PLCG2: variants seen among roughly 807,000 people sequenced by gnomAD.
PLCG2 encodes the protein 1-phosphatidylinositol 4,5-bisphosphate phosphodiesterase gamma-2.
A neutral mutation model predicts 175.6 loss-of-function variants in PLCG2; 69 were observed. The ratio of observed to expected loss-of-function variants is 0.39; its 90% CI spans 0.32 to 0.48. PLCG2 has a LOEUF of 0.48. Ranked by LOEUF, PLCG2 falls within the 20% of genes least tolerant of loss-of-function variation. The pLI, the probability that PLCG2 is intolerant of heterozygous loss-of-function variation, is 0.91. For missense variants in PLCG2, 1,798 were observed against 1,650.9 expected (o/e 1.09, Z -1.54); for synonymous variants, 827 against 624.0 (o/e 1.33, Z -4.85).
At chr16:81,752,590 C>T (rs1364371778) in intron 1 of PLCG2, among the ~76,000 whole-genome samples, 1 of 152,200 alleles carries the variant, frequency 6.6e-6, no homozygotes, top group Non-Finnish European at 1.5e-5. Context: ...TCTGTGAGCC[C>T]CCAAAGGAGG....
intron 5 of PLCG2, among the ~76,000 whole-genome samples, chr16:81,862,381 T>G (rs1375536214): frequency 6.6e-6 from 1 of 152,212 alleles, no homozygotes; most frequent in Non-Finnish European, 1.5e-5. Flanking sequence ...ATAAGCACTT[T>G]ACATCCTTAG....
chr16:81,824,416 G>C (rs1463120946), intron 2 of PLCG2, among the ~76,000 whole-genome samples: 1 of 152,194 alleles, frequency 6.6e-6, no homozygotes, highest in East Asian at 1.9e-4. Flanking sequence ...TTACAAGCGT[G>C]AGCCACTGCA....
chr16:81,858,267 C>G lies in PLCG2; in HGVS notation c.342C>G (p.Asp114Glu). 6.2e-7 allele frequency: 1 copy of G among 1,610,576 alleles called. No homozygotes were observed. Among genetic ancestry groups the G allele is most frequent in the Non-Finnish European group, 8.5e-7 (1 of 1,176,718 alleles). ...TGTTCCCTTTCTCCACTCCAGCTGACTCTAAAGAGGATGCAGTTAACTGGC... is the reference window on the plus strand; with the variant it reads ...TGTTCCCTTTCTCCACTCCAGCTGAGTCTAAAGAGGATGCAGTTAACTGGC... The part of the protein sequence containing the change: ...FVLSTLSLAA[D>E]SKEDAVNWLS... Residue 114 changes from aspartate (D) to glutamate (E), a missense_variant, in exon 4 of 33, where the codon GAC becomes GAG. Physicochemically the swap from Asp to Glu is conservative, Grantham distance 45 (BLOSUM62 2). Coordinates refer to ENST00000564138, the MANE Select transcript of PLCG2 (RefSeq NM_002661.5).
intron 2 of PLCG2, among the ~76,000 whole-genome samples, chr16:81,828,039 G>A (rs949977430): frequency 7.1e-6 from 1 of 140,590 alleles, no homozygotes; most frequent in Non-Finnish European, 1.5e-5. Flanking sequence ...GCACTGAGCC[G>A]AGATCATGCC....
chr16:81,845,906 G>T (rs1480250259), intron 2 of PLCG2, among the ~76,000 whole-genome samples: 1 of 152,186 alleles, frequency 6.6e-6, no homozygotes, highest in African/African-American at 2.4e-5. Context: ...TTCAAATGCT[G>T]GCTCTTGCAC....
At position 81,956,897 on chromosome 16, in the gene PLCG2, C is replaced by T; in HGVS notation, c.3755+18C>T. 1 of 1,606,572 alleles carries T rather than the reference C, an allele frequency of 6.2e-7. No individual in the cohort carries two copies. Among genetic ancestry groups the T allele is most frequent in the Non-Finnish European group, 8.5e-7 (1 of 1,174,582 alleles). ...AACAAGAGGTAGGTCAGCCCCTCCA[C>T]CTGCAAAAACTTTTGGGGGGTCTCT... On this transcript the variant is annotated intron_variant, in intron 32 of 32. Coordinates refer to ENST00000564138, the MANE Select transcript of PLCG2 (RefSeq NM_002661.5).
chr16:81,883,265 A>T lies in PLCG2; in HGVS notation c.693-4A>T, dbSNP rs960740066. ...CTAACTGCACCCCCTTTCCCCGAGG[A>T]TAGGAACACTGACAGGCCGGATGCC... On this transcript the variant is annotated splice_region_variant and splice_polypyrimidine_tract_variant and intron_variant, in intron 8 of 32. Transcript: ENST00000564138. The T allele has an allele frequency of 6.2e-7, 1 of 1,613,820 alleles. No homozygotes were observed. The highest frequency in any genetic ancestry group is 8.5e-7 in the Non-Finnish European group (1 of 1,179,856).
intron 1 of PLCG2, among the ~76,000 whole-genome samples, chr16:81,785,015 C>G (rs997428816): frequency 3.9e-5 from 6 of 152,160 alleles, no homozygotes; most frequent in African/African-American, 1.4e-4. Flanking sequence ...ATCCTTCTGG[C>G]TCTGCATCTG....
intron 2 of PLCG2, among the ~76,000 whole-genome samples, chr16:81,809,997 T>C (rs545838544): frequency 6.6e-6 from 1 of 152,054 alleles, no homozygotes; most frequent in African/African-American, 2.4e-5. Context: ...TCTCCTTTTT[T>C]TTTTCTTTTT....
intron 5 of PLCG2, among the ~76,000 whole-genome samples, chr16:81,861,063 C>CA (rs1290955782): frequency 6.6e-6 from 1 of 152,046 alleles, no homozygotes; most frequent in Non-Finnish European, 1.5e-5. Context: ...AAACCAAAAC[C>CA]AAAACCAAAC....
intron 1 of PLCG2, among the ~76,000 whole-genome samples, chr16:81,743,294 T>A (rs113707877): frequency 0.018 from 2,699 of 152,300 alleles, 73 homozygotes; most frequent in African/African-American, 0.062. Flanking sequence ...GAGGCTGCAG[T>A]GAGCCACAGT....
Position 81,883,300 on chromosome 16 carries a change from T to C in PLCG2, c.724T>C (p.Tyr242His), listed in dbSNP as rs761978474. Residue 242 changes from tyrosine to histidine, a missense_variant, in exon 9 of 33, where the codon TAC becomes CAC. Tyr to His is a moderately conservative substitution (Grantham distance 83). Coordinates refer to ENST00000564138, the MANE Select transcript of PLCG2 (RefSeq NM_002661.5). ...TGACAGGCCGGATGCCTCTGCTGTT[T>C]ACCTGCATGACTTCCAGAGGTTTCT... ...NTDRPDASAV[Y>H]LHDFQRFLIH... 6 of 1,614,178 alleles carry C rather than the reference T, an allele frequency of 3.7e-6. No individual in the cohort carries two copies. Among genetic ancestry groups the C allele is most frequent in the Non-Finnish European group, 5.1e-6 (6 of 1,180,012 alleles).
chr16:81,883,629 G>C (rs1180907818), intron 9 of PLCG2: 2 of 469,668 alleles, frequency 4.3e-6, no homozygotes, highest in Non-Finnish European at 7.8e-6. Context: ...GGCAGGAGGG[G>C]TGAGGGCCTG....
chr16:81,889,382 T>A (rs1908525427), intron 10 of PLCG2, 109 bp downstream of exon 10: 3 of 679,952 alleles, frequency 4.4e-6, no homozygotes. Flanking sequence ...TGCTGTATGA[T>A]GTTGCCTCGA....
At chr16:81,849,570 C>T (rs1906295134) in intron 2 of PLCG2, among the ~76,000 whole-genome samples, 1 of 151,868 alleles carries the variant, frequency 6.6e-6, no homozygotes, top group Non-Finnish European at 1.5e-5. Context: ...ACAAGCCTGA[C>T]CTATATGGTG....
chr16:81,883,516 C>G (rs1441715237), intron 9 of PLCG2, 175 bp downstream of exon 9: 2 of 612,102 alleles, frequency 3.3e-6, no homozygotes, highest in Non-Finnish European at 5.9e-6. Context: ...CCAGAGACTT[C>G]AGATTGCTGT....
At chr16:81,923,334 A>G (rs1910132851) in intron 21 of PLCG2, 151 bp from the exon 22 acceptor site, 4 of 572,048 alleles carry the variant, frequency 7.0e-6, no homozygotes, top group South Asian at 2.2e-5. Context: ...ATCCTTTGCA[A>G]TGCCAGTCCC....
chr16:81,829,143 C>T (rs909532507), intron 2 of PLCG2, among the ~76,000 whole-genome samples: 1 of 152,162 alleles, frequency 6.6e-6, no homozygotes, highest in Non-Finnish European at 1.5e-5. Context: ...GAGTCTGGCT[C>T]TGTCACCCAG....
At chr16:81,818,103 C>T (rs1397110000) in intron 2 of PLCG2, among the ~76,000 whole-genome samples, 1 of 152,212 alleles carries the variant, frequency 6.6e-6, no homozygotes, top group African/African-American at 2.4e-5. Flanking sequence ...GTGAGAATTA[C>T]AACACCTACT....
Sources: gnomAD v4.1 joint callset for allele counts (sites outside exome capture counted in the v4.1 genomes callset) on GRCh38, gnomAD v4.1.1 for gene constraint, MANE v1.5 for transcripts, NCBI Gene and HGNC (gene_info 2026-07-23, HGNC 2026-07-21) for gene names.